Variants in FBXO31 observed in about 807,000 individuals in gnomAD.
The protein encoded by FBXO31 is F-box protein 31.
A neutral mutation model predicts 54.4 loss-of-function variants in FBXO31; 24 were observed. That is an observed-to-expected ratio of 0.44 (90% CI 0.32 to 0.62). The LOEUF is 0.62. FBXO31 is among the 20% of genes least tolerant of loss of function. FBXO31 has a pLI of 0.05. For missense variants in FBXO31, 665 were observed against 787.1 expected (o/e 0.84, Z 1.86); for synonymous variants, 388 against 335.6 (o/e 1.16, Z -1.71).
rs1393337518 is a variant in FBXO31 at position 87,345,482 on chromosome 16, CA to C, written c.489+1691del. Reference sequence around the variant, plus strand: ...CCTGCAAATACCAAGAAAAGTCAGACAACTTCACTGTGTTGAATGAGCAGCT... The same window carrying C: ...CCTGCAAATACCAAGAAAAGTCAGACACTTCACTGTGTTGAATGAGCAGCT... On this transcript the variant is annotated intron_variant, in intron 3 of 8. Transcript: ENST00000311635. This position sits in a 1 kb window ranked among gnomAD's most constrained non-coding sequence, Gnocchi z 4.9. 1.3e-5 allele frequency among the ~76,000 whole-genome samples: 2 copies of C among 152,200 alleles called. No homozygotes were observed. Among genetic ancestry groups the C allele is most frequent in the Non-Finnish European group, 2.9e-5 (2 of 68,036 alleles).
intron 5 of FBXO31, among the ~76,000 whole-genome samples, chr16:87,340,912 G>A (rs574303827): frequency 5.9e-5 from 9 of 152,130 alleles, no homozygotes; most frequent in Non-Finnish European, 8.8e-5. Context: ...GAAGGGCTTC[G>A]ATTTCCTAAT....
At chr16:87,357,323 G>A (rs1035742072) in intron 2 of FBXO31, among the ~76,000 whole-genome samples, 6 of 148,678 alleles carry the variant, frequency 4.0e-5, no homozygotes, top group Non-Finnish European at 7.4e-5. Flanking sequence ...AAAAGAATTC[G>A]GTTCTTTTTT....
chr16:87,374,655 T>C (rs531878767), intron 1 of FBXO31, among the ~76,000 whole-genome samples: 147 of 152,318 alleles, frequency 9.7e-4, no homozygotes, highest in Middle Eastern at 3.4e-3. Context: ...TTAAAGTATT[T>C]ACCATTCACG....
intron 2 of FBXO31, among the ~76,000 whole-genome samples, chr16:87,350,056 G>A (rs1484908624): frequency 6.6e-6 from 1 of 152,148 alleles, no homozygotes; most frequent in East Asian, 1.9e-4. Context: ...CATGGTTTAT[G>A]TCTGCTGTCC....
chr16:87,350,990 C>A (rs1452126851), intron 2 of FBXO31, among the ~76,000 whole-genome samples: 2 of 152,238 alleles, frequency 1.3e-5, no homozygotes, highest in Non-Finnish European at 2.9e-5. Flanking sequence ...ACTTTGGAAG[C>A]AACGGCCGCT....
At chr16:87,381,915 T>C (rs1393905327) in intron 1 of FBXO31, among the ~76,000 whole-genome samples, 1 of 151,760 alleles carries the variant, frequency 6.6e-6, no homozygotes, top group East Asian at 1.9e-4. Flanking sequence ...TCCCAGCTAC[T>C]TGGAGGCTGA....
chr16:87,382,044 G>A (rs972084014), intron 1 of FBXO31, among the ~76,000 whole-genome samples: 1 of 125,888 alleles, frequency 7.9e-6, no homozygotes, highest in Non-Finnish European at 1.8e-5. Context: ...AAAGAAGGAA[G>A]TGCATCCCAC....
chr16:87,352,831 G>C (rs1390861229), intron 2 of FBXO31, among the ~76,000 whole-genome samples: 2 of 152,222 alleles, frequency 1.3e-5, no homozygotes, highest in Non-Finnish European at 2.9e-5. Flanking sequence ...AAATGGGAAA[G>C]TACCGTGAAA....
At chr16:87,377,987 A>C (rs1325992528) in intron 1 of FBXO31, among the ~76,000 whole-genome samples, 1 of 151,866 alleles carries the variant, frequency 6.6e-6, no homozygotes, top group Non-Finnish European at 1.5e-5. Context: ...GAGAAACCCC[A>C]TCTCTACTAA....
rs1293380554 is a variant in FBXO31, at chr16:87,343,778, A to G, written c.490-13T>C. On this transcript the variant is annotated splice_polypyrimidine_tract_variant and intron_variant, in intron 3 of 8. Coordinates refer to ENST00000311635, the MANE Select transcript of FBXO31 (RefSeq NM_024735.5). ...ACAGGCCGTCCACCTACAGGAGGAG[A>G]TGGGCAAAGGTCCATGAGTGGCTCC... The G allele has an allele frequency of 3.7e-6, 6 of 1,613,762 alleles. No homozygotes were observed. The highest frequency in any genetic ancestry group is 2.2e-5 in the South Asian group (2 of 91,066).
intron 8 of FBXO31, among the ~76,000 whole-genome samples, 196 bp downstream of exon 8, chr16:87,333,690 C>G (rs1442581078): frequency 2.0e-5 from 3 of 152,192 alleles, no homozygotes; most frequent in Non-Finnish European, 4.4e-5. Flanking sequence ...AGACGGGACC[C>G]AGCTGCGCGG....
intron 5 of FBXO31, among the ~76,000 whole-genome samples, chr16:87,337,300 A>G (rs1905067369): frequency 6.6e-6 from 1 of 152,266 alleles, no homozygotes; most frequent in Non-Finnish European, 1.5e-5. Flanking sequence ...ATGCCTGGGT[A>G]CACAGAGATG....
rs937959855 is a variant in FBXO31, at chr16:87,346,003, G to A, written c.489+1171C>T. 2.0e-5 allele frequency among the ~76,000 whole-genome samples: 3 copies of A among 152,008 alleles called. No individual in the cohort carries two copies. Among genetic ancestry groups the A allele is most frequent in the Non-Finnish European group, 4.4e-5 (3 of 67,992 alleles). ...TCCTGAGTGAGGGGTGGGAGGTGGA[G>A]GAGGGAAGCAGAGTGGCTGCTGAGA... On this transcript the variant is annotated intron_variant, in intron 3 of 8. Transcript: ENST00000311635. This position sits in a 1 kb window ranked among gnomAD's most constrained non-coding sequence, Gnocchi z 4.2.
Position 87,331,276 on chromosome 16 carries a change from G to A in FBXO31, c.*12C>T. The A allele has an allele frequency of 6.2e-7, 1 of 1,610,068 alleles. No individual in the cohort carries two copies. The highest frequency in any genetic ancestry group is 8.5e-7 in the Non-Finnish European group (1 of 1,176,748). ...AGAGCCACCCGGGATGTGGCGGCAAGGATGTGGCCGGTCAGGAGGTGAGGG... is the reference window on the plus strand; with the variant it reads ...AGAGCCACCCGGGATGTGGCGGCAAAGATGTGGCCGGTCAGGAGGTGAGGG... On this transcript the variant is annotated 3_prime_UTR_variant, in exon 9 of 9. Coordinates refer to ENST00000311635, the MANE Select transcript of FBXO31 (RefSeq NM_024735.5).
chr16:87,342,447 A>C (rs34545354), intron 5 of FBXO31, among the ~76,000 whole-genome samples: 45,976 of 152,106 alleles, frequency 0.3, 7,827 homozygotes, highest in Non-Finnish European at 0.4. Context: ...ACAATCACAC[A>C]CAGGCTTCCC....
intron 2 of FBXO31, among the ~76,000 whole-genome samples, chr16:87,354,813 C>G (rs975042145): frequency 6.6e-6 from 1 of 152,022 alleles, no homozygotes; most frequent in Non-Finnish European, 1.5e-5. Flanking sequence ...ACTAAAAATA[C>G]AAAAAGTAGC....
At position 87,333,951 on chromosome 16, in the gene FBXO31, C is replaced by T; in HGVS notation, c.1332G>A (p.Gln444=). ...AEQPAQCGQG[Q]PFVLPVGVSS... ...TCACGCCCACGGGCAGCACGAACGGCTGCCCCTGCCCACACTGGGCAGGCT... is the reference window on the plus strand; with the variant it reads ...TCACGCCCACGGGCAGCACGAACGGTTGCCCCTGCCCACACTGGGCAGGCT... The change falls in exon 8 of 9, where the codon CAG becomes CAA. Residue 444 remains glutamine, a synonymous_variant. Transcript: ENST00000311635. 1 of 1,612,336 alleles carries T rather than the reference C, an allele frequency of 6.2e-7. No individual in the cohort carries two copies. The highest frequency in any genetic ancestry group is 8.5e-7 in the Non-Finnish European group (1 of 1,179,566).
intron 1 of FBXO31, among the ~76,000 whole-genome samples, chr16:87,370,306 GACAC>G (rs534981097): frequency 6.6e-6 from 1 of 152,204 alleles, no homozygotes; most frequent in Non-Finnish European, 1.5e-5. Context: ...GAGGGACAGG[GACAC>G]ACAGAGTCAC....
intron 8 of FBXO31, among the ~76,000 whole-genome samples, chr16:87,332,807 C>T (rs1904910128): frequency 6.6e-6 from 1 of 152,094 alleles, no homozygotes; most frequent in Admixed American, 6.5e-5. Flanking sequence ...AATACAGACA[C>T]ATAGCAGCAT....
Sources: gnomAD v4.1 joint callset for allele counts (sites outside exome capture counted in the v4.1 genomes callset) on GRCh38, gnomAD v4.1.1 for gene constraint, Gnocchi (gnomAD v3.1) non-coding constraint, MANE v1.5 for transcripts, NCBI Gene and HGNC (gene_info 2026-07-23, HGNC 2026-07-21) for gene names.